Variants in CYP4B1 observed in about 807,000 individuals in gnomAD.
CYP4B1 encodes cytochrome P450 4B1.
In CYP4B1, 45 loss-of-function variants were observed where a neutral mutation model predicts 54.0. That is an observed-to-expected ratio of 0.83 (90% CI 0.66 to 1.07). The LOEUF (loss-of-function observed/expected upper bound fraction) is 1.07, where lower values mean the gene tolerates loss of function less well. Ranked by LOEUF, CYP4B1 falls within the 50% of genes least tolerant of loss-of-function variation. The pLI, the probability that CYP4B1 is intolerant of heterozygous loss-of-function variation, is 0.00. For synonymous variants in CYP4B1, 248 were observed against 247.5 expected (o/e 1.00, Z -0.02); for missense variants, 656 against 655.4 (o/e 1.00, Z -0.01).
At chr1:46,814,950 C>T (rs889729218) in intron 7 of CYP4B1, 124 bp from the exon 8 acceptor site, 12 of 797,650 alleles carry the variant, frequency 1.5e-5, no homozygotes, top group African/African-American at 5.1e-5. Flanking sequence ...GGTCCTAATC[C>T]ACCCTCTGAA....
At chr1:46,815,411 T>C in intron 8 of CYP4B1, 147 bp downstream of exon 8, 1 of 662,484 alleles carries the variant, frequency 1.5e-6, no homozygotes, top group Non-Finnish European at 2.3e-6. Flanking sequence ...TGGTGGGGGG[T>C]GGGGAGAGTG....
chr1:46,809,213 C>T (rs1384126271), intron 1 of CYP4B1, among the ~76,000 whole-genome samples: 1 of 151,408 alleles, frequency 6.6e-6, no homozygotes, highest in East Asian at 2.0e-4. Context: ...AAAAAAAGCT[C>T]TCATGGGAAC....
chr1:46,813,731 G>C (rs4646488), intron 5 of CYP4B1, 125 bp downstream of exon 5: 3 of 1,466,466 alleles, frequency 2.0e-6, no homozygotes, highest in South Asian at 1.3e-5. Context: ...CTTAGCTTGC[G>C]GGGAGACAGG....
At position 46,815,145 on chromosome 1, in the gene CYP4B1, T is replaced by C. The variant is rs1377731096; in HGVS notation, c.954T>C (p.His318=). Residue 318 remains histidine, a synonymous_variant, in exon 8 of 12, where the codon CAT becomes CAC. Transcript: ENST00000371923. ...AEVDTFMFEG[H]DTTTSGISWF... ...TGGACACATTCATGTTTGAAGGCCA[T>C]GACACCACCACCAGTGGTATCTCCT... is the stretch of plus-strand genomic sequence containing the variant. 6.2e-7 allele frequency: 1 copy of C among 1,614,202 alleles called. No individual in the cohort carries two copies. Among genetic ancestry groups the C allele is most frequent in the South Asian group, 1.1e-5 (1 of 91,080 alleles).
intron 7 of CYP4B1, 81 bp from the exon 8 acceptor site, chr1:46,814,992 AT>A (rs769335188): frequency 3.1e-6 from 4 of 1,307,858 alleles, no homozygotes; most frequent in Non-Finnish European, 4.4e-6. Context: ...AGAGACCTTC[AT>A]TTGACAACCA....
At chr1:46,815,295 G>A in intron 8 of CYP4B1, 31 bp downstream of exon 8, 1 of 1,513,310 alleles carries the variant, frequency 6.6e-7, no homozygotes, top group Non-Finnish European at 8.8e-7. Flanking sequence ...GGTTTATCCT[G>A]CTCAGCCCTT....
chr1:46,817,863 C>A, intron 9 of CYP4B1, 102 bp from the exon 10 acceptor site: 2 of 964,982 alleles, frequency 2.1e-6, no homozygotes, highest in Non-Finnish European at 3.3e-6. Context: ...CAGGCAGGAG[C>A]TGGCACCCCA....
In CYP4B1 at chr1:46,817,281, C is replaced by T. The variant is rs977660173; in HGVS notation, c.1207+100C>T. On this transcript the variant is annotated intron_variant, in intron 9 of 11. Transcript: ENST00000371923. ...ATCTTTGCACTTTTGGGGAAGAGCT[C>T]AGGCTTTGCGTTCAGAGAGCCCTGG... is the stretch of plus-strand genomic sequence containing the variant. The T allele has an allele frequency of 1.3e-5, 19 of 1,464,636 alleles. No homozygotes were observed. The Admixed American group carries it at 2.5e-4, about 20-fold the overall frequency. The allele number at this position is 1,464,636 out of a possible 1,614,324, so 90.7% of individuals were successfully genotyped here.
chr1:46,799,143 T>C lies in CYP4B1; in HGVS notation c.62T>C (p.Ile21Thr). 6.2e-7 allele frequency: 1 copy of C among 1,613,938 alleles called. No homozygotes were observed. Among genetic ancestry groups the C allele is most frequent in the Non-Finnish European group, 8.5e-7 (1 of 1,179,946 alleles). Residue 21 changes from isoleucine to threonine, a missense_variant, in exon 1 of 12, where the codon ATC becomes ACC. Coordinates refer to ENST00000371923, the MANE Select transcript of CYP4B1 (RefSeq NM_001099772.2). ...TTGGGCCTGTGGGCTTCTGGGCTGA[T>C]CTTGGTCTTAGGCTTTCTCAAGCTC... The part of the protein sequence containing the change: ...SSLGLWASGL[I>T]LVLGFLKLIH...
rs745774872 is a variant in CYP4B1 at position 46,799,102 on chromosome 1, C to A, written c.21C>A (p.Ser7=). 3.1e-6 allele frequency: 5 copies of A among 1,614,034 alleles called. No homozygotes were observed. The highest frequency in any genetic ancestry group is 1.3e-5 in the African/African-American group (1 of 75,046). The change falls in exon 1 of 12, where the codon TCC becomes TCA. Residue 7 remains serine (S), a synonymous_variant. Transcript: ENST00000371923. MVPSFL[S]LSFSSLGLWA... is the part of the protein sequence containing the mutation. ...CAACCATGGTGCCCAGCTTCCTCTC[C>A]CTGAGCTTCTCCTCCTTGGGCCTGT...
chr1:46,815,887 C>T, intron 8 of CYP4B1, among the ~76,000 whole-genome samples: 1 of 152,168 alleles, frequency 6.6e-6, no homozygotes. Context: ...TGCCTGTTCC[C>T]CTCAGGCCTT....
chr1:46,813,139 C>T (rs1679178943), intron 4 of CYP4B1, among the ~76,000 whole-genome samples: 1 of 152,180 alleles, frequency 6.6e-6, no homozygotes, highest in South Asian at 2.1e-4. Context: ...GTAGGAAACT[C>T]CCCTCCAGGA....
At chr1:46,813,790 G>A in intron 5 of CYP4B1, 119 bp from the exon 6 acceptor site, 5 of 1,449,890 alleles carry the variant, frequency 3.4e-6, no homozygotes, top group African/African-American at 1.4e-5. Flanking sequence ...GAGGCTTAAG[G>A]GCAGGGAGAA....
Position 46,815,203 on chromosome 1 carries a change from C to CA in CYP4B1, c.1013dup (p.His338GlnfsTer6), listed in dbSNP as rs1461318051. 6.2e-7 allele frequency: 1 copy of CA among 1,607,602 alleles called. No individual in the cohort carries two copies. Among genetic ancestry groups the CA allele is most frequent in the Non-Finnish European group, 8.5e-7 (1 of 1,176,632 alleles). On this transcript the variant is annotated frameshift_variant, in exon 8 of 12. Coordinates refer to ENST00000371923, the MANE Select transcript of CYP4B1 (RefSeq NM_001099772.2). LOFTEE classifies it high-confidence loss of function. The stretch of plus-strand genomic sequence containing the variant: ...CTACTGCATGGCCCTGTACCCTGAG[C>CA]ACCAGCATCGTTGTAGAGAGGAGGT...
At position 46,813,597 on chromosome 1, in the gene CYP4B1, T is replaced by A. The variant is rs1679203113; in HGVS notation, c.611T>A (p.Leu204Gln). ...ACCTTTGGAAGAGGAGACACCGGCC[T>A]GGGCCACAGGTCAGGAGCCACCTCG... ...KCTFGRGDTGLGHSRDSSYYL... is the reference protein window; with the variant it reads ...KCTFGRGDTGQGHSRDSSYYL... The change falls in exon 5 of 12, where the codon CTG becomes CAG. Residue 204 changes from leucine to glutamine, a missense_variant. By Grantham distance (113) the Leu-to-Gln change is moderately radical. Transcript: ENST00000371923. 2.5e-6 allele frequency: 4 copies of A among 1,613,852 alleles called. No homozygotes were observed. The highest frequency in any genetic ancestry group is 3.4e-6 in the Non-Finnish European group (4 of 1,180,040).
At chr1:46,799,469 T>G (rs1051160938) in intron 1 of CYP4B1, among the ~76,000 whole-genome samples, 21 of 152,282 alleles carry the variant, frequency 1.4e-4, no homozygotes, top group Admixed American at 1.2e-3. Context: ...TGGGGGCAAC[T>G]TCCAAGTCAG....
intron 1 of CYP4B1, among the ~76,000 whole-genome samples, chr1:46,803,255 G>C (rs1215048215): frequency 1.3e-5 from 2 of 152,204 alleles, no homozygotes; most frequent in African/African-American, 4.8e-5. Context: ...AGGCAGGGAG[G>C]CTAGGGTGGA....
rs776085141 is a variant in CYP4B1 at position 46,810,866 on chromosome 1, C to T, written c.239C>T (p.Ala80Val). ...VVSWAHQFPY[A>V]HPLWFGQFIG... ...TCCTGGGCCCACCAGTTCCCGTATG[C>T]CCACCCACTCTGGTTCGGACAGTTC... is the stretch of plus-strand genomic sequence containing the variant. Residue 80 changes from alanine to valine, a missense_variant, in exon 2 of 12, where the codon GCC (alanine) becomes GTC (valine). By Grantham distance (64) the Ala-to-Val change is moderately conservative (BLOSUM62 0). Transcript: ENST00000371923. 2 of 1,614,090 alleles carry T rather than the reference C, an allele frequency of 1.2e-6. No homozygotes were observed. Among genetic ancestry groups the T allele is most frequent in the South Asian group, 2.2e-5 (2 of 91,074 alleles).
At chr1:46,818,104 G>A (rs1679411390) in intron 10 of CYP4B1, 27 bp from the exon 11 acceptor site, 1 of 1,613,888 alleles carries the variant, frequency 6.2e-7, no homozygotes, top group Non-Finnish European at 8.5e-7. Flanking sequence ...AACCTGGCGA[G>A]TGTTTAAGCA....
Sources: allele counts gnomAD v4.1 joint callset (sites outside exome capture counted in the v4.1 genomes callset), GRCh38; gene constraint gnomAD v4.1.1; transcripts MANE v1.5; gene names NCBI Gene and HGNC (gene_info 2026-07-23, HGNC 2026-07-21).